The following CERT1 variants were observed in gnomAD, a reference collection of about 807,000 sequenced individuals.
CERT1 encodes ceramide transfer protein.
A neutral mutation model predicts 87.9 loss-of-function variants in CERT1; 31 were observed. The observed-to-expected ratio is 0.35, with a 90% CI of 0.27 to 0.48. The LOEUF (loss-of-function observed/expected upper bound fraction) is 0.48. Ranked by LOEUF, CERT1 falls within the 20% of genes least tolerant of loss-of-function variation. The pLI is 0.99. For synonymous variants in CERT1, 289 were observed against 250.9 expected (o/e 1.15, Z -1.44); for missense variants, 487 against 758.0 (o/e 0.64, Z 4.20).
intron 2 of CERT1, among the ~76,000 whole-genome samples, chr5:75,480,391 T>C (rs939118726): frequency 1.3e-5 from 2 of 152,204 alleles, no homozygotes; most frequent in Admixed American, 1.3e-4. Flanking sequence ...TATATCTCAT[T>C]GTTAAGGAGA....
At chr5:75,398,395 A>G (rs975684843) in intron 11 of CERT1, among the ~76,000 whole-genome samples, 2 of 152,216 alleles carry the variant, frequency 1.3e-5, no homozygotes, top group Admixed American at 6.5e-5. Flanking sequence ...AGCACTTATT[A>G]TGTGTCAGGT....
At chr5:75,501,891 T>G (rs1412212582) in intron 2 of CERT1, among the ~76,000 whole-genome samples, 3 of 152,070 alleles carry the variant, frequency 2.0e-5, no homozygotes, top group Non-Finnish European at 4.4e-5. Context: ...ATATCTACAT[T>G]CATATAGAGA....
chr5:75,382,814 T>C (rs1432134057), intron 14 of CERT1, among the ~76,000 whole-genome samples: 1 of 152,028 alleles, frequency 6.6e-6, no homozygotes, highest in African/African-American at 2.4e-5. Context: ...TGATTCATTT[T>C]TTAAAGATAC....
At chr5:75,430,387 C>T (rs565458102) in intron 3 of CERT1, among the ~76,000 whole-genome samples, 4 of 152,230 alleles carry the variant, frequency 2.6e-5, no homozygotes, top group South Asian at 4.2e-4. Flanking sequence ...GGAATATAAA[C>T]ATTCTGGAGC....
At chr5:75,402,868 A>G in intron 9 of CERT1, 104 bp downstream of exon 9, 2 of 661,114 alleles carry the variant, frequency 3.0e-6, no homozygotes, top group Non-Finnish European at 5.4e-6. Flanking sequence ...CTAGGTTATT[A>G]AGTTCACAAT....
Position 75,393,556 on chromosome 5 carries a change from G to A in CERT1, c.1189-3869C>T, listed in dbSNP as rs559665028. On this transcript the variant is annotated intron_variant, in intron 11 of 16. Coordinates refer to ENST00000643780, the MANE Select transcript of CERT1 (RefSeq NM_001379029.1). ...AGCTTGGGAGGATTGCTTGGGCCTA[G>A]GAGTTTGAGGTTAAGTCTCGGCAAC... Among the ~76,000 whole-genome samples, 57 of 121,386 alleles carry A rather than the reference G, an allele frequency of 4.7e-4. 2 individuals are homozygous for A. In the Middle Eastern group the frequency reaches 0.032, roughly 68 times the overall value. The allele number at this position is 121,386 out of a possible 152,430, so 79.6% of individuals were successfully genotyped here. A position where few individuals can be genotyped will look rare whatever the true frequency, so the allele number is the denominator to read the frequency against.
chr5:75,434,684 T>A (rs954428386), intron 3 of CERT1, among the ~76,000 whole-genome samples: 2 of 151,966 alleles, frequency 1.3e-5, no homozygotes, highest in African/African-American at 4.8e-5. Context: ...AACTTGTTAT[T>A]GGTCTGTTCA....
chr5:75,385,757 T>C, intron 13 of CERT1, 145 bp downstream of exon 13: 1 of 524,296 alleles, frequency 1.9e-6, no homozygotes, highest in Non-Finnish European at 3.0e-6. Context: ...AAGCTCTACA[T>C]AAATGTATTG....
intron 3 of CERT1, among the ~76,000 whole-genome samples, chr5:75,428,140 T>C (rs980729091): frequency 3.3e-5 from 5 of 152,180 alleles, no homozygotes; most frequent in African/African-American, 4.8e-5. Flanking sequence ...TTTTTAGCTA[T>C]AAGAATACTA....
chr5:75,418,174 A>AATG (rs1038380523), intron 6 of CERT1, among the ~76,000 whole-genome samples: 3 of 152,136 alleles, frequency 2.0e-5, no homozygotes, highest in Non-Finnish European at 4.4e-5. Flanking sequence ...TAATAATAAT[A>AATG]ATCACCAAGC....
chr5:75,428,095 T>A (rs146352941), intron 3 of CERT1, among the ~76,000 whole-genome samples: 1 of 152,154 alleles, frequency 6.6e-6, no homozygotes, highest in Admixed American at 6.5e-5. Context: ...TAGCTATTGG[T>A]TTACCCATGA....
chr5:75,384,545 G>T, intron 14 of CERT1, 97 bp downstream of exon 14: 1 of 742,384 alleles, frequency 1.3e-6, no homozygotes, highest in East Asian at 2.6e-5. Context: ...GGATTTTTGT[G>T]GCTTTTAATA....
intron 2 of CERT1, among the ~76,000 whole-genome samples, chr5:75,485,976 G>A (rs1487614090): frequency 6.6e-6 from 1 of 151,878 alleles, no homozygotes; most frequent in East Asian, 1.9e-4. Flanking sequence ...GAAAAACAGA[G>A]CAGGAGATAC....
At chr5:75,418,119 G>A (rs926553033) in intron 6 of CERT1, among the ~76,000 whole-genome samples, 1 of 152,166 alleles carries the variant, frequency 6.6e-6, no homozygotes, top group South Asian at 2.1e-4. Context: ...TCACCACACT[G>A]CACTCCAGCC....
At chr5:75,393,620 A>AAAAAAAAAAAAAAAAAAAAAAC (rs1561229710) in intron 11 of CERT1, among the ~76,000 whole-genome samples, 1 of 145,302 alleles carries the variant, frequency 6.9e-6, no homozygotes, top group Non-Finnish European at 1.5e-5. Flanking sequence ...AAAAAAAAAA[A>AAAAAAAAAAAAAAAAAAAAAAC]AAAGAAAGTC....
At chr5:75,371,509 C>T (rs1761083820) in intron 17 of CERT1, 1 of 152,178 alleles carries the variant, frequency 6.6e-6, no homozygotes, top group African/African-American at 2.4e-5. Flanking sequence ...ACCCATTCCT[C>T]CTTTTCCTTA....
intron 7 of CERT1, 74 bp downstream of exon 7, chr5:75,416,802 C>T (rs993707059): frequency 7.7e-7 from 1 of 1,294,436 alleles, no homozygotes; most frequent in African/African-American, 1.5e-5. Context: ...AAGAAGTTAG[C>T]TTGTTTTAAA....
chr5:75,479,384 T>C (rs989214435), intron 2 of CERT1, among the ~76,000 whole-genome samples: 1 of 152,108 alleles, frequency 6.6e-6, no homozygotes, highest in Non-Finnish European at 1.5e-5. Context: ...GTACAGATTG[T>C]TTCATCACCC....
intron 7 of CERT1, among the ~76,000 whole-genome samples, 175 bp downstream of exon 7, chr5:75,416,701 G>A (rs1253778788): frequency 1.3e-5 from 2 of 152,106 alleles, no homozygotes; most frequent in Non-Finnish European, 2.9e-5. Context: ...AGTAATTGGT[G>A]AATCTTGTTA....
Sources: allele counts gnomAD v4.1 joint callset (sites outside exome capture counted in the v4.1 genomes callset), GRCh38; gene constraint gnomAD v4.1.1; transcripts MANE v1.5; gene names NCBI Gene and HGNC (gene_info 2026-07-23, HGNC 2026-07-21).